Variants in CACNA1H observed in about 807,000 individuals in gnomAD.
CACNA1H encodes the protein voltage-dependent T-type calcium channel subunit alpha-1H.
CACNA1H carries 149 observed loss-of-function variants against 192.5 expected under a neutral mutation model. That is an observed-to-expected ratio of 0.77 (90% CI 0.68 to 0.89). The LOEUF is 0.89. Ranked by LOEUF, CACNA1H falls within the 40% of genes least tolerant of loss-of-function variation. The pLI, the probability that CACNA1H is intolerant of heterozygous loss-of-function variation, is 0.00. For missense variants in CACNA1H, 4,257 were observed against 3,423.5 expected, an observed-to-expected ratio of 1.24 and a Z score of -6.08; for synonymous variants, 2,202 against 1,475.2, an observed-to-expected ratio of 1.49 and a Z score of -11.29.
At chr16:1,198,919 C>A (rs144447175) in intron 6 of CACNA1H, 145 bp downstream of exon 6, 1 of 745,814 alleles carries the variant, frequency 1.3e-6, no homozygotes, top group Non-Finnish European at 2.2e-6. Context: ...GTCATGGCTC[C>A]GTCCACCATG....
chr16:1,198,122 C>G (rs554275897), intron 5 of CACNA1H, among the ~76,000 whole-genome samples: 1 of 152,150 alleles, frequency 6.6e-6, no homozygotes. Context: ...CAGCCCACCA[C>G]CTGAGGTTCT....
At position 1,217,017 on chromosome 16, in the gene CACNA1H, G is replaced by T; in HGVS notation, c.5323+7G>T. On this transcript the variant is annotated splice_region_variant and intron_variant, in intron 31 of 34. Coordinates refer to ENST00000348261, the MANE Select transcript of CACNA1H (RefSeq NM_021098.3). ...GAGCTGTTCGGGAGGCTGGGTGAGTGGCTCCTGCGCCCTCCTCCTGGCACA... is the reference window on the plus strand; with the variant it reads ...GAGCTGTTCGGGAGGCTGGGTGAGTTGCTCCTGCGCCCTCCTCCTGGCACA... The T allele has an allele frequency of 6.3e-7, 1 of 1,582,770 alleles. No individual in the cohort carries two copies. The highest frequency in any genetic ancestry group is 8.6e-7 in the Non-Finnish European group (1 of 1,164,138).
chr16:1,208,491 C>T (rs1969025749), intron 16 of CACNA1H, among the ~76,000 whole-genome samples: 1 of 152,204 alleles, frequency 6.6e-6, no homozygotes, highest in Admixed American at 6.5e-5. Context: ...AAGACCGAAG[C>T]AAGCAGGGGC....
At chr16:1,153,585 G>T in intron 1 of CACNA1H, 115 bp downstream of exon 1, 1 of 429,644 alleles carries the variant, frequency 2.3e-6, no homozygotes, top group Non-Finnish European at 3.6e-6. Context: ...GCGGGCGGGG[G>T]CGGGGGGCGC....
chr16:1,209,004 C>G (rs1368271582), intron 16 of CACNA1H, 28 bp from the exon 17 acceptor site: 5 of 1,471,454 alleles, frequency 3.4e-6, no homozygotes, highest in Admixed American at 2.4e-5. Context: ...GTGATGCCAC[C>G]AGGTCACTGA....
At chr16:1,158,800 C>G (rs560922451) in intron 2 of CACNA1H, among the ~76,000 whole-genome samples, 1 of 152,048 alleles carries the variant, frequency 6.6e-6, no homozygotes, top group Non-Finnish European at 1.5e-5. Context: ...CCCGCCGCAC[C>G]CCCGGCCCCG....
rs979506046 is a variant in CACNA1H at position 1,213,279 on chromosome 16, G to A, written c.4778-501G>A. Among the ~76,000 whole-genome samples the A allele has an allele frequency of 3.3e-5, 5 of 152,322 alleles. No homozygotes were observed. In the East Asian group the frequency reaches 9.7e-4, roughly 29 times the overall value. On this transcript the variant is annotated intron_variant, in intron 26 of 34. Coordinates refer to ENST00000348261, the MANE Select transcript of CACNA1H (RefSeq NM_021098.3). Reference sequence around the variant, plus strand: ...CCTTGTGGGCCCAGACCCAGAGATGGAGTGGGGCTGCCCTGCCCAGCCCTT... The same window carrying A: ...CCTTGTGGGCCCAGACCCAGAGATGAAGTGGGGCTGCCCTGCCCAGCCCTT...
In CACNA1H at chr16:1,205,229, C is replaced by T. The variant is rs368799344; in HGVS notation, c.2567C>T (p.Pro856Leu). The T allele has an allele frequency of 3.4e-5, 55 of 1,611,860 alleles. No homozygotes were observed. Among genetic ancestry groups the T allele is most frequent in the South Asian group, 1.5e-4 (14 of 91,058 alleles). ...GGCCCTCTGGGCTACATCCGGAACC[C>T]GTACAACATCTTCGACGGCATCATC... ...ACGPLGYIRN[P>L]YNIFDGIIVV... Residue 856 changes from proline to leucine, a missense_variant, in exon 11 of 35, where the codon CCG (proline) becomes CTG (leucine). Pro to Leu is a moderately conservative substitution (Grantham distance 98). Transcript: ENST00000348261.
chr16:1,165,293 G>A (rs1385196574), intron 2 of CACNA1H, among the ~76,000 whole-genome samples: 1 of 152,216 alleles, frequency 6.6e-6, no homozygotes, highest in African/African-American at 2.4e-5. Flanking sequence ...GGGCCTGGGG[G>A]CAAAGGCTCA....
chr16:1,193,555 C>T (rs1293028788), intron 2 of CACNA1H, among the ~76,000 whole-genome samples: 2 of 152,274 alleles, frequency 1.3e-5, no homozygotes, highest in African/African-American at 4.8e-5. Flanking sequence ...GTGCTGTGGC[C>T]TTGCCCACCT....
chr16:1,166,982 G>A (rs756307404), intron 2 of CACNA1H, among the ~76,000 whole-genome samples: 4 of 152,296 alleles, frequency 2.6e-5, no homozygotes, highest in African/African-American at 4.8e-5. Flanking sequence ...TTGAGTCCTC[G>A]GAGGAATGGC....
chr16:1,211,392 A>G, intron 22 of CACNA1H, 89 bp from the exon 23 acceptor site: 2 of 1,606,268 alleles, frequency 1.2e-6, no homozygotes, highest in South Asian at 1.1e-5. Context: ...ACGGGGAGGG[A>G]CAGCTCGGGC....
chr16:1,194,955 T>C lies in CACNA1H; in HGVS notation c.300-17T>C, dbSNP rs764956008. On this transcript the variant is annotated splice_polypyrimidine_tract_variant and intron_variant, in intron 2 of 34. Coordinates refer to ENST00000348261, the MANE Select transcript of CACNA1H (RefSeq NM_021098.3). ...GTCCCGGGCCGCGCCGGTGTGCTCC[T>C]TAACCCGCGGCGACACATGGTTCGA... is the stretch of plus-strand genomic sequence containing the variant. 5 of 1,592,478 alleles carry C rather than the reference T, an allele frequency of 3.1e-6. No individual in the cohort carries two copies. The African/African-American group carries it at 5.4e-5, about 17-fold the overall frequency.
At chr16:1,185,960 G>A (rs111647289) in intron 2 of CACNA1H, among the ~76,000 whole-genome samples, 7 of 75,178 alleles carry the variant, frequency 9.3e-5, no homozygotes, top group Admixed American at 4.7e-4. Flanking sequence ...AGTAGACGGC[G>A]TGCGTAGGGG....
chr16:1,163,353 C>T (rs1042131870), intron 2 of CACNA1H, among the ~76,000 whole-genome samples: 1 of 152,196 alleles, frequency 6.6e-6, no homozygotes. Context: ...TGTGGAGCTA[C>T]GAGTCTCCCC....
chr16:1,170,548 G>C (rs72775428), intron 2 of CACNA1H, among the ~76,000 whole-genome samples: 18,716 of 152,312 alleles, frequency 0.12, 1,573 homozygotes, highest in Non-Finnish European at 0.19. Context: ...CCCAGTGGCC[G>C]TCAGCCTTGG....
At position 1,220,661 on chromosome 16, in the gene CACNA1H, C is replaced by A. The variant is rs534649086; in HGVS notation, c.6729C>A (p.Asp2243Glu). ...CAGAGGGCTCAGGCGCCGGGGGGGA[C>A]CCTGCAGCCAAGGGGGAGCGCTGGG... is the stretch of plus-strand genomic sequence containing the variant. Reference protein sequence around the residue: ...EPTEGSGAGGDPAAKGERWGQ... With the variant: ...EPTEGSGAGGEPAAKGERWGQ... Residue 2243 changes from aspartate to glutamate, a missense_variant, in exon 35 of 35, where the codon GAC (aspartate) becomes GAA (glutamate). Physicochemically the swap from Asp to Glu is conservative, Grantham distance 45. Coordinates refer to ENST00000348261, the MANE Select transcript of CACNA1H (RefSeq NM_021098.3). The A allele has an allele frequency of 3.9e-5, 63 of 1,606,572 alleles. No individual in the cohort carries two copies. The South Asian group carries it at 6.3e-4, about 16-fold the overall frequency.
At position 1,207,409 on chromosome 16, in the gene CACNA1H, C is replaced by A; in HGVS notation, c.3042C>A (p.Leu1014=). Residue 1014 remains leucine (L), a synonymous_variant, in exon 14 of 35, where the codon CTC becomes CTA. Coordinates refer to ENST00000348261, the MANE Select transcript of CACNA1H (RefSeq NM_021098.3). The part of the protein sequence containing the change: ...YVLFNLLVAI[L]VEGFQAEGDA... ...TCTTCAACCTGCTGGTGGCCATCCT[C>A]GTGGAGGGCTTCCAGGCGGAGGTGA... 6.2e-7 allele frequency: 1 copy of A among 1,613,064 alleles called. No homozygotes were observed. Among genetic ancestry groups the A allele is most frequent in the African/African-American group, 1.3e-5 (1 of 74,996 alleles).
chr16:1,207,939 A>G (rs1048144745), intron 15 of CACNA1H, 74 bp from the exon 16 acceptor site: 5 of 1,542,678 alleles, frequency 3.2e-6, no homozygotes, highest in African/African-American at 1.4e-5. Flanking sequence ...CCATAAGGCA[A>G]TCCCTAGGTT....
Sources: gnomAD v4.1 joint callset for allele counts (sites outside exome capture counted in the v4.1 genomes callset) on GRCh38, gnomAD v4.1.1 for gene constraint, MANE v1.5 for transcripts, NCBI Gene and HGNC (gene_info 2026-07-23, HGNC 2026-07-21) for gene names.